EBF1: variants seen among roughly 807,000 people sequenced by gnomAD.
EBF1 encodes the protein transcription factor COE1.
Under a neutral mutation model 68.4 loss-of-function variants are expected in EBF1, and 10 were observed. The ratio of observed to expected loss-of-function variants is 0.15; its 90% CI spans 0.09 to 0.25. The LOEUF (loss-of-function observed/expected upper bound fraction) is 0.25, where lower values mean the gene tolerates loss of function less well. EBF1 is among the 10% of genes least tolerant of loss of function. The probability of loss-of-function intolerance (pLI) is 1.00; values close to 1 mark genes in which losing one functional copy is unlikely to be tolerated. For synonymous variants in EBF1, 298 were observed against 299.8 expected (o/e 0.99, Z 0.06); for missense variants, 509 against 794.4 (o/e 0.64, Z 4.32).
At chr5:158,958,581 T>C (rs1188978584) in intron 6 of EBF1, among the ~76,000 whole-genome samples, 2 of 152,178 alleles carry the variant, frequency 1.3e-5, no homozygotes, top group Non-Finnish European at 2.9e-5. Flanking sequence ...AGCATGTTTT[T>C]CATAGGCTAT....
At chr5:159,016,738 C>T (rs1408188907) in intron 6 of EBF1, among the ~76,000 whole-genome samples, 1 of 152,188 alleles carries the variant, frequency 6.6e-6, no homozygotes, top group Non-Finnish European at 1.5e-5. Flanking sequence ...AACCTGAGCT[C>T]AAAGCGTGAG....
intron 6 of EBF1, among the ~76,000 whole-genome samples, chr5:159,049,033 C>T (rs995959002): frequency 2.0e-5 from 3 of 152,226 alleles, no homozygotes; most frequent in African/African-American, 7.2e-5. Context: ...CATTTTGTCA[C>T]ACCATTCCCC....
chr5:159,095,610 A>G lies in EBF1; in HGVS notation c.411+10T>C. On this transcript the variant is annotated intron_variant, in intron 4 of 15. Coordinates refer to ENST00000313708, the MANE Select transcript of EBF1 (RefSeq NM_024007.5). Reference sequence around the variant, plus strand: ...TAGAGCCCCCCGTGGCCCAAAATCAAGAAACTTACTTGTTTTGTCATGGAG... The same window carrying G: ...TAGAGCCCCCCGTGGCCCAAAATCAGGAAACTTACTTGTTTTGTCATGGAG... The G allele has an allele frequency of 6.2e-7, 1 of 1,613,868 alleles. No homozygotes were observed. Among genetic ancestry groups the G allele is most frequent in the Non-Finnish European group, 8.5e-7 (1 of 1,179,844 alleles).
chr5:158,761,202 A>G (rs1771368387), intron 10 of EBF1, among the ~76,000 whole-genome samples: 1 of 152,222 alleles, frequency 6.6e-6, no homozygotes. Context: ...TGTTTCTCAC[A>G]AAGGAGATAA....
chr5:159,085,344 C>T (rs1780442630), intron 4 of EBF1, among the ~76,000 whole-genome samples: 1 of 152,230 alleles, frequency 6.6e-6, no homozygotes. Flanking sequence ...TACTCGCTGG[C>T]ATATGCTCTG....
chr5:159,082,031 C>T (rs952351077), intron 5 of EBF1, among the ~76,000 whole-genome samples: 5 of 152,048 alleles, frequency 3.3e-5, no homozygotes, highest in Admixed American at 6.6e-5. Flanking sequence ...GTGGCCAGTC[C>T]CTTATCCAGC....
chr5:158,969,918 A>ATG (rs1554093977), intron 6 of EBF1, among the ~76,000 whole-genome samples: 1 of 53,150 alleles, frequency 1.9e-5, no homozygotes, highest in Non-Finnish European at 4.1e-5. Context: ...GAAAGAAAGA[A>ATG]AAAAAAAAAA....
At chr5:158,999,461 G>A (rs988131797) in intron 6 of EBF1, among the ~76,000 whole-genome samples, 4 of 152,200 alleles carry the variant, frequency 2.6e-5, no homozygotes, top group African/African-American at 4.8e-5. Flanking sequence ...GGGAACATGA[G>A]ATGTTTTCAG....
intron 6 of EBF1, among the ~76,000 whole-genome samples, chr5:159,021,609 C>A (rs1050659069): frequency 6.6e-6 from 1 of 152,192 alleles, no homozygotes; most frequent in Non-Finnish European, 1.5e-5. Flanking sequence ...GAGGATTTGC[C>A]CAAGAACTAC....
chr5:158,789,435 G>A (rs1778129891), intron 9 of EBF1, among the ~76,000 whole-genome samples: 1 of 152,102 alleles, frequency 6.6e-6, no homozygotes, highest in Admixed American at 6.6e-5. Flanking sequence ...CACATAAAAG[G>A]TGGTATAGAT....
At chr5:158,844,861 C>T (rs760014148) in intron 6 of EBF1, among the ~76,000 whole-genome samples, 11 of 152,150 alleles carry the variant, frequency 7.2e-5, no homozygotes, top group Admixed American at 2.6e-4. Context: ...GAACCCAATA[C>T]AAACATTTGT....
chr5:159,067,409 A>T (rs1245891974), intron 6 of EBF1, among the ~76,000 whole-genome samples: 3 of 152,154 alleles, frequency 2.0e-5, no homozygotes, highest in African/African-American at 7.2e-5. Context: ...CGTTAAATAC[A>T]TTTCTTGGAA....
intron 14 of EBF1, 61 bp downstream of exon 14, chr5:158,712,093 G>A: frequency 2.5e-6 from 4 of 1,586,684 alleles, no homozygotes; most frequent in Non-Finnish European, 3.4e-6. Flanking sequence ...GGGCCACATG[G>A]CATGATGCCA....
chr5:158,962,260 A>G (rs1363300280), intron 6 of EBF1, among the ~76,000 whole-genome samples: 1 of 152,126 alleles, frequency 6.6e-6, no homozygotes, highest in Non-Finnish European at 1.5e-5. Flanking sequence ...ACCTTCCTGT[A>G]GGCCCCAAAC....
intron 6 of EBF1, among the ~76,000 whole-genome samples, chr5:158,866,918 A>G (rs1181214858): frequency 2.1e-5 from 3 of 143,950 alleles, no homozygotes; most frequent in Non-Finnish European, 4.5e-5. Flanking sequence ...GCATATGTCT[A>G]AGCACATACA....
intron 6 of EBF1, among the ~76,000 whole-genome samples, chr5:158,979,804 C>T (rs11745535): frequency 6.6e-6 from 1 of 151,910 alleles, no homozygotes; most frequent in Non-Finnish European, 1.5e-5. Flanking sequence ...GCAGTAATAA[C>T]GCTAATCAAA....
At chr5:158,919,288 G>A (rs906422224) in intron 6 of EBF1, among the ~76,000 whole-genome samples, 1 of 151,938 alleles carries the variant, frequency 6.6e-6, no homozygotes, top group Non-Finnish European at 1.5e-5. Flanking sequence ...CTTGTAGGGG[G>A]AACATGGTAC....
chr5:158,798,730 T>C (rs1561958343), intron 8 of EBF1, among the ~76,000 whole-genome samples: 1 of 152,346 alleles, frequency 6.6e-6, no homozygotes, highest in East Asian at 1.9e-4. Context: ...CAAAGCTATA[T>C]GTCAATGCCT....
At chr5:158,984,367 T>C (rs547548071) in intron 6 of EBF1, among the ~76,000 whole-genome samples, 3 of 152,252 alleles carry the variant, frequency 2.0e-5, no homozygotes, top group Non-Finnish European at 4.4e-5. Context: ...TTCCATTTTG[T>C]AGATACTGAC....
Sources: gnomAD v4.1 joint callset for allele counts (sites outside exome capture counted in the v4.1 genomes callset) on GRCh38, gnomAD v4.1.1 for gene constraint, MANE v1.5 for transcripts, NCBI Gene and HGNC (gene_info 2026-07-23, HGNC 2026-07-21) for gene names.